ENPP3: variants seen among roughly 807,000 people sequenced by gnomAD.
The protein encoded by ENPP3 is ectonucleotide pyrophosphatase/phosphodiesterase family member 3.
In ENPP3, 104 loss-of-function variants were observed where a neutral mutation model predicts 117.8. The observed-to-expected ratio is 0.88, with a 90% CI of 0.75 to 1.04. ENPP3 has a LOEUF of 1.04. Among genes scored for constraint, ENPP3 ranks in the 50% least tolerant of loss-of-function variants. The probability of loss-of-function intolerance (pLI) is 0.00; values close to 1 mark genes in which losing one functional copy is unlikely to be tolerated. For synonymous variants in ENPP3, 380 were observed against 349.9 expected, an observed-to-expected ratio of 1.09 and a Z score of -0.96; for missense variants, 1,026 against 1,051.9, an observed-to-expected ratio of 0.98 and a Z score of 0.34.
intron 14 of ENPP3, among the ~76,000 whole-genome samples, 166 bp from the exon 15 acceptor site, chr6:131,693,330 AG>A (rs3841511): frequency 0.23 from 35,174 of 151,544 alleles, 5,919 homozygotes; most frequent in African/African-American, 0.46. Flanking sequence ...ACTAATAACT[AG>A]GGGGATCTGA....
At chr6:131,669,775 G>A (rs1778701663) in intron 6 of ENPP3, among the ~76,000 whole-genome samples, 1 of 151,660 alleles carries the variant, frequency 6.6e-6, no homozygotes, top group African/African-American at 2.4e-5. Flanking sequence ...GACTTGATAT[G>A]GGGCCCTAGA....
chr6:131,735,970 T>C (rs529372188), intron 21 of ENPP3, among the ~76,000 whole-genome samples: 218 of 152,364 alleles, frequency 1.4e-3, no homozygotes, highest in Non-Finnish European at 2.5e-3. Context: ...AGATTTCATG[T>C]TAAGTGTTCT....
intron 10 of ENPP3, among the ~76,000 whole-genome samples, chr6:131,677,645 G>A (rs921984335): frequency 2.6e-5 from 4 of 152,104 alleles, no homozygotes; most frequent in African/African-American, 7.2e-5. Flanking sequence ...TTTCACAATA[G>A]GGGCGTACCA....
At chr6:131,638,581 G>A (rs1777975791) in intron 1 of ENPP3, 1 of 384,002 alleles carries the variant, frequency 2.6e-6, no homozygotes, top group Non-Finnish European at 5.0e-6. Flanking sequence ...GTTTTTGTGA[G>A]TTTTTTTCTT....
chr6:131,732,916 G>A (rs998659112), intron 20 of ENPP3, among the ~76,000 whole-genome samples: 1 of 129,834 alleles, frequency 7.7e-6, no homozygotes, highest in Non-Finnish European at 1.5e-5. Context: ...TTTTAGTAGA[G>A]ACGGGGTTCA....
rs771122664 is a variant in ENPP3 at position 131,685,358 on chromosome 6, AT to A, written c.1121-4del. On this transcript the variant is annotated splice_region_variant and splice_polypyrimidine_tract_variant and intron_variant, in intron 12 of 24. Coordinates refer to ENST00000357639, the MANE Select transcript of ENPP3 (RefSeq NM_005021.5). ...AGTGGGTTATTATGATTATTTTTTTATTCAGGAATGGACCAGACTTATTGTA... is the reference window on the plus strand; with the variant it reads ...AGTGGGTTATTATGATTATTTTTTTATCAGGAATGGACCAGACTTATTGTA... 80 of 1,603,412 alleles carry A rather than the reference AT, an allele frequency of 5.0e-5. No homozygotes were observed. The East Asian group carries it at 1.7e-3, about 35-fold the overall frequency.
chr6:131,676,604 C>A, intron 9 of ENPP3, 132 bp from the exon 10 acceptor site: 1 of 615,514 alleles, frequency 1.6e-6, no homozygotes, highest in Non-Finnish European at 2.9e-6. Flanking sequence ...ATACTGAATA[C>A]CTTCCAGTAT....
chr6:131,706,749 T>C (rs1164126863), intron 15 of ENPP3, among the ~76,000 whole-genome samples: 1 of 151,532 alleles, frequency 6.6e-6, no homozygotes, highest in Non-Finnish European at 1.5e-5. Context: ...GATTGACTTT[T>C]TGAGATTTAA....
At chr6:131,725,973 G>A (rs1780145582) in intron 19 of ENPP3, 73 bp from the exon 20 acceptor site, 1 of 929,834 alleles carries the variant, frequency 1.1e-6, no homozygotes, top group Non-Finnish European at 1.7e-6. Flanking sequence ...GTTATTATAT[G>A]GGTAGTTATT....
chr6:131,656,543 AG>A (rs1562432074), intron 5 of ENPP3, among the ~76,000 whole-genome samples: 2 of 152,204 alleles, frequency 1.3e-5, no homozygotes, highest in African/African-American at 4.8e-5. Context: ...TGAGGCAGGC[AG>A]ATCACGAAGT....
chr6:131,661,168 G>A (rs560795089), intron 6 of ENPP3, among the ~76,000 whole-genome samples: 5 of 152,238 alleles, frequency 3.3e-5, no homozygotes, highest in African/African-American at 1.2e-4. Flanking sequence ...TGGCTCTTAT[G>A]AGTAGTGCTT....
intron 15 of ENPP3, chr6:131,701,370 A>G (rs1779526481): frequency 6.2e-7 from 1 of 1,613,842 alleles, no homozygotes; most frequent in Admixed American, 1.7e-5. Flanking sequence ...CAGTAGGAGG[A>G]ACTCTCTGAT....
chr6:131,642,304 G>C (rs575797703), intron 2 of ENPP3, among the ~76,000 whole-genome samples: 1 of 152,086 alleles, frequency 6.6e-6, no homozygotes, highest in African/African-American at 2.4e-5. Flanking sequence ...TTCTTGATTG[G>C]ACAGTGCCAA....
chr6:131,696,910 C>CA (rs1779420554), intron 15 of ENPP3, among the ~76,000 whole-genome samples: 1 of 152,062 alleles, frequency 6.6e-6, no homozygotes, highest in South Asian at 2.1e-4. Flanking sequence ...GCTGGGACTA[C>CA]AGGCACCCAC....
At chr6:131,651,216 A>G (rs905740902) in intron 3 of ENPP3, among the ~76,000 whole-genome samples, 5 of 152,110 alleles carry the variant, frequency 3.3e-5, no homozygotes, top group African/African-American at 1.2e-4. Flanking sequence ...CACTCCACCC[A>G]GCCTCGGCAA....
At chr6:131,652,792 C>G (rs3765562) in intron 4 of ENPP3, 39 bp from the exon 5 acceptor site, 295,987 of 1,593,394 alleles carry the variant, frequency 0.19, 30,602 homozygotes, top group East Asian at 0.35. Context: ...TCTGTCTGTG[C>G]TGCAGCAAGT....
intron 15 of ENPP3, among the ~76,000 whole-genome samples, chr6:131,717,605 G>C (rs1459469701): frequency 2.0e-5 from 3 of 151,860 alleles, no homozygotes; most frequent in Non-Finnish European, 4.4e-5. Context: ...TGTTAATACT[G>C]CTCAATTCAA....
chr6:131,712,269 T>C (rs1321556732), intron 15 of ENPP3, among the ~76,000 whole-genome samples: 2 of 147,536 alleles, frequency 1.4e-5, no homozygotes, highest in African/African-American at 5.3e-5. Flanking sequence ...TAAAGTATGC[T>C]GAATTTATGG....
chr6:131,746,738 A>G (rs1464909192), intron 24 of ENPP3, 48 bp from the exon 25 acceptor site: 2 of 1,539,218 alleles, frequency 1.3e-6, no homozygotes, highest in Admixed American at 4.3e-5. Context: ...TCTGTTCATG[A>G]AAAATACTGC....
Sources: allele counts gnomAD v4.1 joint callset (sites outside exome capture counted in the v4.1 genomes callset), GRCh38; gene constraint gnomAD v4.1.1; transcripts MANE v1.5; gene names NCBI Gene and HGNC (gene_info 2026-07-23, HGNC 2026-07-21).